Variants in ROBO1 observed in about 807,000 individuals in gnomAD.
The protein encoded by ROBO1 is roundabout homolog 1.
A neutral mutation model predicts 195.9 loss-of-function variants in ROBO1; 149 were observed. The observed-to-expected ratio is 0.76, with a 90% confidence interval of 0.67 to 0.87. The LOEUF (loss-of-function observed/expected upper bound fraction) is 0.87. ROBO1 is among the 40% of genes least tolerant of loss of function. The pLI, the probability that ROBO1 is intolerant of heterozygous loss-of-function variation, is 0.00. For synonymous variants in ROBO1, 816 were observed against 733.2 expected (o/e 1.11, Z -1.82); for missense variants, 1,933 against 2,068.3 (o/e 0.93, Z 1.27).
At chr3:79,186,199 T>G (rs557968704) in intron 2 of ROBO1, among the ~76,000 whole-genome samples, 81 of 152,278 alleles carry the variant, frequency 5.3e-4, no homozygotes, top group Non-Finnish European at 6.6e-4. Flanking sequence ...TTATTTGCTC[T>G]TGCACATGTA....
chr3:79,430,582 A>G (rs543926809), intron 2 of ROBO1, among the ~76,000 whole-genome samples: 1 of 152,180 alleles, frequency 6.6e-6, no homozygotes, highest in East Asian at 1.9e-4. Flanking sequence ...GGAATGCTAG[A>G]GTTGTACAAA....
chr3:79,703,477 G>A (rs1477822164), intron 1 of ROBO1, among the ~76,000 whole-genome samples: 1 of 151,502 alleles, frequency 6.6e-6, no homozygotes, highest in Non-Finnish European at 1.5e-5. Context: ...TCTACATTTT[G>A]TTCCAAAGAG....
At chr3:79,240,054 A>C (rs1253451793) in intron 2 of ROBO1, among the ~76,000 whole-genome samples, 1 of 152,132 alleles carries the variant, frequency 6.6e-6, no homozygotes, top group Non-Finnish European at 1.5e-5. Context: ...TCTTGTGGTG[A>C]GAATATTTAA....
intron 2 of ROBO1, among the ~76,000 whole-genome samples, chr3:79,485,193 T>C (rs1352766271): frequency 6.6e-6 from 1 of 152,276 alleles, no homozygotes; most frequent in East Asian, 1.9e-4. Flanking sequence ...AATAAAAAGA[T>C]GTTTGTATGC....
intron 2 of ROBO1, among the ~76,000 whole-genome samples, chr3:79,453,337 A>C (rs1002024669): frequency 6.6e-6 from 1 of 152,094 alleles, no homozygotes; most frequent in African/African-American, 2.4e-5. Context: ...CCCTTCTTCC[A>C]TTTTCCTTAC....
At chr3:79,120,755 T>C (rs968555025) in intron 3 of ROBO1, among the ~76,000 whole-genome samples, 1 of 152,042 alleles carries the variant, frequency 6.6e-6, no homozygotes, top group Non-Finnish European at 1.5e-5. Context: ...CTCCAAAAAA[T>C]AATCAATTGT....
At chr3:79,151,595 C>T (rs534972923) in intron 2 of ROBO1, among the ~76,000 whole-genome samples, 91 of 151,736 alleles carry the variant, frequency 6.0e-4, no homozygotes, top group African/African-American at 2.1e-3. Context: ...AAATAGAAAT[C>T]GGACTTAGTT....
chr3:79,339,401 C>A (rs368840227), intron 2 of ROBO1, among the ~76,000 whole-genome samples: 12 of 152,268 alleles, frequency 7.9e-5, no homozygotes, highest in East Asian at 7.7e-4. Flanking sequence ...TTATTCTTCT[C>A]AGCCACTGTG....
chr3:78,768,369 C>G (rs1477689158), intron 4 of ROBO1, among the ~76,000 whole-genome samples: 6 of 149,216 alleles, frequency 4.0e-5, no homozygotes, highest in African/African-American at 1.2e-4. Flanking sequence ...TATGTACTTA[C>G]AATAAGAAAA....
intron 1 of ROBO1, among the ~76,000 whole-genome samples, chr3:79,764,645 A>G (rs1366304174): frequency 6.6e-6 from 1 of 152,226 alleles, no homozygotes; most frequent in Non-Finnish European, 1.5e-5. Flanking sequence ...GCTTAAATAA[A>G]AGTAGTTCCT....
At chr3:79,648,002 T>C (rs1202656389) in intron 1 of ROBO1, among the ~76,000 whole-genome samples, 1 of 152,074 alleles carries the variant, frequency 6.6e-6, no homozygotes, top group Non-Finnish European at 1.5e-5. Flanking sequence ...TTAACTCTTG[T>C]TTTTAACAAT....
chr3:79,306,730 A>G (rs1205773615), intron 2 of ROBO1, among the ~76,000 whole-genome samples: 1 of 152,242 alleles, frequency 6.6e-6, no homozygotes, highest in African/African-American at 2.4e-5. Context: ...GGCTTCCAGA[A>G]GGGATGGAAA....
At chr3:79,714,390 C>T (rs554256282) in intron 1 of ROBO1, among the ~76,000 whole-genome samples, 6 of 152,118 alleles carry the variant, frequency 3.9e-5, no homozygotes, top group African/African-American at 1.4e-4. Flanking sequence ...AACACTTTTA[C>T]ACTGTTGGTG....
At chr3:78,995,653 T>A (rs980304635) in intron 3 of ROBO1, among the ~76,000 whole-genome samples, 41 of 117,788 alleles carry the variant, frequency 3.5e-4, no homozygotes, top group African/African-American at 1.3e-3. Flanking sequence ...GTAATCCCAA[T>A]GCTTTGGGAG....
chr3:78,982,364 T>C (rs897545826), intron 3 of ROBO1, among the ~76,000 whole-genome samples: 4 of 152,182 alleles, frequency 2.6e-5, no homozygotes, highest in East Asian at 1.9e-4. Context: ...CCATCCATTG[T>C]CAGTTAATTA....
At chr3:78,911,628 C>T (rs980646621) in intron 4 of ROBO1, among the ~76,000 whole-genome samples, 2 of 151,934 alleles carry the variant, frequency 1.3e-5, no homozygotes, top group African/African-American at 4.8e-5. Context: ...ACTAGTAACC[C>T]GACCTTTAAC....
intron 3 of ROBO1, among the ~76,000 whole-genome samples, chr3:79,023,448 A>C (rs1345445137): frequency 1.3e-5 from 2 of 152,176 alleles, no homozygotes; most frequent in Non-Finnish European, 2.9e-5. Flanking sequence ...ACTGTGTTTC[A>C]AGAAACGAGG....
At chr3:79,087,476 C>T (rs2079392480) in intron 3 of ROBO1, among the ~76,000 whole-genome samples, 1 of 151,924 alleles carries the variant, frequency 6.6e-6, no homozygotes, top group African/African-American at 2.4e-5. Flanking sequence ...ACATGAATTA[C>T]TTCAGTATCC....
intron 28 of ROBO1, among the ~76,000 whole-genome samples, chr3:78,608,335 T>A (rs1352422666): frequency 3.9e-5 from 6 of 152,036 alleles, no homozygotes; most frequent in African/African-American, 1.4e-4. Flanking sequence ...CGAACTCCTA[T>A]GCTCAAGCCA....
Sources: gnomAD v4.1 joint callset for allele counts (sites outside exome capture counted in the v4.1 genomes callset) on GRCh38, gnomAD v4.1.1 for gene constraint, MANE v1.5 for transcripts, NCBI Gene and HGNC (gene_info 2026-07-23, HGNC 2026-07-21) for gene names.